Variants in STAG1 observed in about 807,000 individuals in gnomAD.
STAG1 encodes cohesin subunit SA-1.
Under a neutral mutation model 170.9 loss-of-function variants are expected in STAG1, and 26 were observed. The observed-to-expected ratio is 0.15, with a 90% CI of 0.11 to 0.21. STAG1 has a LOEUF of 0.21. STAG1 is among the 10% of genes least tolerant of loss of function. The pLI is 1.00. For synonymous variants in STAG1, 514 were observed against 497.7 expected (o/e 1.03, Z -0.44); for missense variants, 964 against 1,509.5 (o/e 0.64, Z 5.99).
At chr3:136,691,668 CT>C (rs1653976598) in intron 1 of STAG1, among the ~76,000 whole-genome samples, 1 of 152,186 alleles carries the variant, frequency 6.6e-6, no homozygotes, top group Admixed American at 6.5e-5. Context: ...CAAATGTAGT[CT>C]TGTTTCAAGA....
intron 22 of STAG1, among the ~76,000 whole-genome samples, chr3:136,392,097 T>C (rs1013033794): frequency 1.3e-5 from 2 of 152,174 alleles, no homozygotes; most frequent in African/African-American, 2.4e-5. Context: ...AGAAAAGTAC[T>C]CTTTAAAAAG....
intron 1 of STAG1, among the ~76,000 whole-genome samples, chr3:136,725,400 C>A (rs1185487854): frequency 1.3e-5 from 2 of 152,118 alleles, no homozygotes; most frequent in Non-Finnish European, 2.9e-5. Flanking sequence ...TGGTTCCATG[C>A]ATGTTGTGTT....
At chr3:136,551,208 TGAGAGAGAGAGAGAGAGAGAGA>T (rs57609965) in intron 5 of STAG1, among the ~76,000 whole-genome samples, 44 of 44,482 alleles carry the variant, frequency 9.9e-4, no homozygotes, top group Middle Eastern at 0.028. Flanking sequence ...TGAGAGAGAG[TGAGAGAGAGAGAGAGAGAGAGA>T]GAGAGAGAGA....
intron 1 of STAG1, among the ~76,000 whole-genome samples, chr3:136,717,662 C>A (rs1244036305): frequency 1.3e-5 from 2 of 152,006 alleles, no homozygotes; most frequent in African/African-American, 4.8e-5. Context: ...GAAACTCTGT[C>A]TCAATAAATT....
At chr3:136,455,766 G>C (rs1679031575) in intron 13 of STAG1, among the ~76,000 whole-genome samples, 1 of 152,214 alleles carries the variant, frequency 6.6e-6, no homozygotes, top group African/African-American at 2.4e-5. Flanking sequence ...ACTGTATAAA[G>C]TCTTTCCTTG....
chr3:136,467,197 A>C (rs533933758), intron 12 of STAG1, among the ~76,000 whole-genome samples: 2 of 152,232 alleles, frequency 1.3e-5, no homozygotes, highest in Admixed American at 1.3e-4. Context: ...TGCTCCAATT[A>C]AAAGACACAG....
chr3:136,649,254 G>A (rs150069932), intron 1 of STAG1, among the ~76,000 whole-genome samples: 3,035 of 152,066 alleles, frequency 0.02, 103 homozygotes, highest in African/African-American at 0.069. Context: ...TGAGGTGGGC[G>A]GATCACCTAA....
intron 4 of STAG1, among the ~76,000 whole-genome samples, chr3:136,586,257 TAC>T (rs375352308): frequency 0.01 from 1,527 of 150,420 alleles, 25 homozygotes; most frequent in East Asian, 0.06. Flanking sequence ...CATATACATA[TAC>T]ACACACACAC....
intron 3 of STAG1, among the ~76,000 whole-genome samples, chr3:136,612,127 A>T (rs909593185): frequency 1.3e-5 from 2 of 152,128 alleles, no homozygotes; most frequent in East Asian, 3.9e-4. Context: ...GATTACAGGC[A>T]TGAGCCACTG....
chr3:136,492,113 C>T (rs943903491), intron 9 of STAG1, among the ~76,000 whole-genome samples: 2 of 152,196 alleles, frequency 1.3e-5, no homozygotes, highest in Non-Finnish European at 2.9e-5. Context: ...ACTTCCAGTA[C>T]GTGCAGTAAT....
intron 6 of STAG1, 120 bp from the exon 7 acceptor site, chr3:136,521,537 G>T: frequency 1.4e-6 from 1 of 731,138 alleles, no homozygotes; most frequent in Non-Finnish European, 2.2e-6. Flanking sequence ...AAAGAAATAG[G>T]TGACTTTCAT....
At chr3:136,744,795 C>CCT (rs1934853506) in intron 1 of STAG1, among the ~76,000 whole-genome samples, 1 of 151,768 alleles carries the variant, frequency 6.6e-6, no homozygotes. Context: ...CGTGCCTCAG[C>CCT]CTCCCGAGCA....
chr3:136,751,464 C>A (rs550789498), intron 1 of STAG1, among the ~76,000 whole-genome samples: 83 of 152,084 alleles, frequency 5.5e-4, no homozygotes, highest in Admixed American at 4.6e-4. Context: ...TTATTGGCCT[C>A]GTCTCTCAGG....
intron 7 of STAG1, among the ~76,000 whole-genome samples, chr3:136,514,697 TG>T (rs1934258024): frequency 6.6e-6 from 1 of 151,992 alleles, no homozygotes; most frequent in Non-Finnish European, 1.5e-5. Flanking sequence ...ATTAAGAAAA[TG>T]TGGCACATAT....
intron 16 of STAG1, among the ~76,000 whole-genome samples, chr3:136,432,346 G>T (rs944422189): frequency 2.0e-5 from 3 of 152,010 alleles, no homozygotes; most frequent in Admixed American, 6.6e-5. Flanking sequence ...GTCTTTGCCT[G>T]CTAAATCCAA....
chr3:136,402,954 G>T (rs934002862), intron 21 of STAG1, among the ~76,000 whole-genome samples: 1 of 151,594 alleles, frequency 6.6e-6, no homozygotes, highest in Non-Finnish European at 1.5e-5. Flanking sequence ...GGTCCTGGGT[G>T]CAGTGGCTCA....
At chr3:136,616,306 T>C (rs1000100731) in intron 3 of STAG1, among the ~76,000 whole-genome samples, 1 of 150,230 alleles carries the variant, frequency 6.7e-6, no homozygotes, top group Non-Finnish European at 1.5e-5. Context: ...CAAATTTCAA[T>C]AGATAAAGGA....
At chr3:136,591,479 G>A in intron 4 of STAG1, 1 of 390,970 alleles carries the variant, frequency 2.6e-6, no homozygotes, top group Non-Finnish European at 5.0e-6. Context: ...CTCAGGCCGG[G>A]GAGGATCACT....
Position 136,443,181 on chromosome 3 carries a change from A to G in STAG1, c.1546+106T>C, listed in dbSNP as rs1576470221. 6.1e-6 allele frequency: 4 copies of G among 650,994 alleles called. No homozygotes were observed. The East Asian group carries it at 1.1e-4, about 18-fold the overall frequency. 40.3% of individuals were successfully genotyped at this position (650,994 alleles called of 1,614,324 possible). On this transcript the variant is annotated intron_variant, in intron 15 of 33. Transcript: ENST00000383202. ...CAAATTGTTCTCTTGGCAAAAAGAC[A>G]CAACATGCTTATATATGCTCATTTT... is the stretch of plus-strand genomic sequence containing the variant.
Sources: gnomAD v4.1 joint callset for allele counts (sites outside exome capture counted in the v4.1 genomes callset) on GRCh38, gnomAD v4.1.1 for gene constraint, MANE v1.5 for transcripts, NCBI Gene and HGNC (gene_info 2026-07-23, HGNC 2026-07-21) for gene names.